The following C19orf47 variants were observed in gnomAD, a reference collection of about 807,000 sequenced individuals.
The protein encoded by C19orf47 is chromosome 19 open reading frame 47, also known as uncharacterized protein C19orf47.
In C19orf47, 18 loss-of-function variants were observed where a neutral mutation model predicts 32.3. That is an observed-to-expected ratio of 0.56 (90% CI 0.39 to 0.83). The LOEUF (loss-of-function observed/expected upper bound fraction) is 0.83, where lower values mean the gene tolerates loss of function less well. Among genes scored for constraint, C19orf47 ranks in the 40% least tolerant of loss-of-function variants. The pLI is 0.00. For missense variants in C19orf47, 484 were observed against 531.6 expected (o/e 0.91, Z 0.88); for synonymous variants, 202 against 211.1 (o/e 0.96, Z 0.37).
At chr19:40,343,564 T>C (rs1361569117) in intron 1 of C19orf47, 1 of 152,188 alleles carries the variant, frequency 6.6e-6, no homozygotes, top group Non-Finnish European at 1.5e-5. Flanking sequence ...CCTGGAGGTG[T>C]TGTGCCTGGT....
In C19orf47 at chr19:40,321,776, G is replaced by A; in HGVS notation, c.*106C>T. 2.8e-6 allele frequency: 4 copies of A among 1,440,978 alleles called. No homozygotes were observed. The highest frequency in any genetic ancestry group is 3.6e-6 in the Non-Finnish European group (4 of 1,101,358). 89.3% of individuals were successfully genotyped at this position (1,440,978 alleles called of 1,614,324 possible). A position where few individuals can be genotyped will look rare whatever the true frequency, so the allele number is the denominator to read the frequency against. On this transcript the variant is annotated 3_prime_UTR_variant, in exon 9 of 9. Coordinates refer to ENST00000683109, the MANE Select transcript of C19orf47 (RefSeq NM_001256441.2). ...TAGCTCTAGAGCCCGAGGGAGACAA[G>A]CTGTGTCATCCAGGAGCTGGTGGGA... is the stretch of plus-strand genomic sequence containing the variant.
chr19:40,345,144 G>A lies in C19orf47; in HGVS notation c.-34+3180C>T, dbSNP rs547900651. 2.0e-5 allele frequency among the ~76,000 whole-genome samples: 3 copies of A among 152,264 alleles called. No individual in the cohort carries two copies. The East Asian group carries it at 5.8e-4, about 29-fold the overall frequency. ...TTTAAGTACTGGTATTCTCCCCCAA[G>A]TGCTACAGACCCTACTGAATTCAAT... On this transcript the variant is annotated intron_variant, in intron 1 of 8. Transcript: ENST00000683109.
At chr19:40,322,658 C>A (rs972447135) in intron 8 of C19orf47, among the ~76,000 whole-genome samples, 6 of 152,130 alleles carry the variant, frequency 3.9e-5, no homozygotes, top group African/African-American at 1.2e-4. Context: ...ACGGGAGTGC[C>A]GCACAAAGGG....
At chr19:40,318,606 A>G (rs1346821168), downstream of C19orf47, among the ~76,000 whole-genome samples, 1 of 152,360 alleles carries the variant, frequency 6.6e-6, no homozygotes, top group Admixed American at 6.5e-5. Flanking sequence ...CTCAGCAGGG[A>G]AAGTGCGCAT....
intron 1 of C19orf47, among the ~76,000 whole-genome samples, chr19:40,347,723 T>C (rs2078344197): frequency 6.6e-6 from 1 of 152,216 alleles, no homozygotes; most frequent in Admixed American, 6.5e-5. Context: ...TTCCTATTGC[T>C]GTCTCTGAGC....
the C19orf47 span, among the ~76,000 whole-genome samples, chr19:40,306,588 A>G: frequency 6.6e-6 from 1 of 151,532 alleles, no homozygotes; most frequent in African/African-American, 2.4e-5. Flanking sequence ...TTTTTAATAG[A>G]GACGGGATTT....
chr19:40,327,007 C>CTTTTTTTTTTTTTTTTTTTTTTTTAAT (rs763036518), intron 6 of C19orf47, among the ~76,000 whole-genome samples: 1 of 122,802 alleles, frequency 8.1e-6, no homozygotes, highest in Non-Finnish European at 1.7e-5. Flanking sequence ...CTGATTTTAA[C>CTTTTTTTTTTTTTTTTTTTTTTTTAAT]TTTTTTTTTT....
the C19orf47 span, chr19:40,299,378 A>G: frequency 1.3e-5 from 2 of 152,218 alleles, no homozygotes; most frequent in Non-Finnish European, 2.9e-5. Context: ...ATATAATTCA[A>G]TAATCACTCT....
At chr19:40,337,288 AATTATTATTATTATT>A (rs57061818) in intron 2 of C19orf47, among the ~76,000 whole-genome samples, 1 of 143,216 alleles carries the variant, frequency 7.0e-6, no homozygotes, top group African/African-American at 2.6e-5. Flanking sequence ...CCATGACAGC[AATTATTATTATTATT>A]ATTATTATTA....
intron 7 of C19orf47, among the ~76,000 whole-genome samples, chr19:40,325,564 A>G (rs2077812215): frequency 1.3e-5 from 2 of 152,056 alleles, no homozygotes; most frequent in Admixed American, 6.6e-5. Context: ...GGTCGAGGAG[A>G]CTGCAGTGAG....
the C19orf47 span, among the ~76,000 whole-genome samples, chr19:40,296,304 C>G: frequency 6.6e-6 from 1 of 151,784 alleles, no homozygotes; most frequent in Non-Finnish European, 1.5e-5. Context: ...TTTTTTGAGA[C>G]CAAGTTTTGC....
the C19orf47 span, among the ~76,000 whole-genome samples, chr19:40,300,107 T>A: frequency 3.3e-5 from 5 of 152,080 alleles, no homozygotes; most frequent in Non-Finnish European, 7.4e-5. Context: ...TAATAAATGA[T>A]GCTAAACGTT....
chr19:40,304,153 T>G, the C19orf47 span, among the ~76,000 whole-genome samples: 1 of 152,174 alleles, frequency 6.6e-6, no homozygotes, highest in Non-Finnish European at 1.5e-5. Flanking sequence ...ATTCAAACAC[T>G]AATCTGATTT....
rs79772081 is a variant in C19orf47, at chr19:40,329,732, A to T, written c.302-1182T>A. On this transcript the variant is annotated intron_variant, in intron 5 of 8. Transcript: ENST00000683109. ...TAATAATATACCCCAGCACTTCTTC[A>T]GACATTTTTCAGGTTGGATGGGTGG... Among the ~76,000 whole-genome samples the T allele has an allele frequency of 8.7e-3, 1,327 of 152,234 alleles. 29 individuals are homozygous for T. The highest frequency in any genetic ancestry group is 0.031 in the African/African-American group (1,271 of 41,518).
At chr19:40,305,491 T>A in the C19orf47 span, among the ~76,000 whole-genome samples, 4 of 152,196 alleles carry the variant, frequency 2.6e-5, no homozygotes. Flanking sequence ...TTATAAACTC[T>A]ATTCACTTGC....
At chr19:40,337,357 A>G (rs4802073) in intron 2 of C19orf47, among the ~76,000 whole-genome samples, 103,694 of 149,704 alleles carry the variant, frequency 0.69, 35,939 homozygotes, top group South Asian at 0.77. Flanking sequence ...ATAGAGCCAC[A>G]GCCAAGACCA....
At chr19:40,325,492 G>A (rs2077810717) in intron 7 of C19orf47, among the ~76,000 whole-genome samples, 2 of 152,034 alleles carry the variant, frequency 1.3e-5, no homozygotes, top group South Asian at 4.1e-4. Flanking sequence ...GGTGGGCATG[G>A]TGGCATGAGC....
At chr19:40,326,238 T>C in intron 7 of C19orf47, 96 bp downstream of exon 7, 16 of 1,522,008 alleles carry the variant, frequency 1.1e-5, no homozygotes, top group Non-Finnish European at 1.4e-5. Context: ...TAGAACCTGC[T>C]TCTCAGCCAC....
At chr19:40,340,784 G>T (rs1391586945) in intron 2 of C19orf47, among the ~76,000 whole-genome samples, 2 of 150,100 alleles carry the variant, frequency 1.3e-5, no homozygotes, top group East Asian at 3.9e-4. Flanking sequence ...TTCAAGACCA[G>T]CCCAGGCAAC....
Sources: allele counts gnomAD v4.1 joint callset (sites outside exome capture counted in the v4.1 genomes callset), GRCh38; gene constraint gnomAD v4.1.1; transcripts MANE v1.5; gene names NCBI Gene and HGNC (gene_info 2026-07-23, HGNC 2026-07-21).